The following SLC7A6 variants were observed in gnomAD, a reference collection of about 807,000 sequenced individuals.
SLC7A6 encodes Y+L amino acid transporter 2.
In SLC7A6, 29 loss-of-function variants were observed where a neutral mutation model predicts 46.6. The observed-to-expected ratio is 0.62, with a 90% confidence interval of 0.46 to 0.85. The LOEUF (loss-of-function observed/expected upper bound fraction) is 0.85, where lower values mean the gene tolerates loss of function less well. SLC7A6 is among the 40% of genes least tolerant of loss of function. SLC7A6 has a pLI of 0.00. For synonymous variants in SLC7A6, 276 were observed against 257.3 expected, an observed-to-expected ratio of 1.07 and a Z score of -0.70; for missense variants, 527 against 647.6, an observed-to-expected ratio of 0.81 and a Z score of 2.02.
intron 3 of SLC7A6, 41 bp downstream of exon 3, chr16:68,275,290 G>T (rs2042689908): frequency 1.9e-6 from 3 of 1,552,118 alleles, no homozygotes; most frequent in South Asian, 2.3e-5. Context: ...GGGGGGTGGG[G>T]GGTACTATAA....
intron 3 of SLC7A6, among the ~76,000 whole-genome samples, chr16:68,282,914 G>A (rs1228769438): frequency 6.6e-6 from 1 of 152,100 alleles, no homozygotes; most frequent in African/African-American, 2.4e-5. Flanking sequence ...CACTGCGCCC[G>A]GCCTTTCTTC....
rs71384525 is a variant in SLC7A6, at chr16:68,284,859, C to CTTTTTT, written c.524-2874_524-2869dup. Among the ~76,000 whole-genome samples the CTTTTTT allele has an allele frequency of 1.1e-3, 101 of 95,598 alleles. 24 individuals are homozygous for CTTTTTT. Among genetic ancestry groups the CTTTTTT allele is most frequent in the Admixed American group, 1.3e-3 (9 of 6,932 alleles). The allele number at this position is 95,598 out of a possible 152,430, so 62.7% of individuals were successfully genotyped here. ...CTGTCTCTTCTGTGTATTTTCTCGTCTTTTTTTTTTTTTTTTTTAGAGACA... is the reference window on the plus strand; with the variant it reads ...CTGTCTCTTCTGTGTATTTTCTCGTCTTTTTTTTTTTTTTTTTTTTTTTTAGAGACA... On this transcript the variant is annotated intron_variant, in intron 3 of 10. Coordinates refer to ENST00000219343, the MANE Select transcript of SLC7A6 (RefSeq NM_003983.6).
At position 68,266,615 on chromosome 16, in the gene SLC7A6, A is replaced by C. The variant is rs1465949405; in HGVS notation, c.-143A>C. The C allele has an allele frequency of 6.6e-6, 1 of 152,158 alleles. No homozygotes were observed. Among genetic ancestry groups the C allele is most frequent in the Non-Finnish European group, 1.5e-5 (1 of 68,036 alleles). 9.4% of individuals were successfully genotyped at this position (152,158 alleles called of 1,614,324 possible). On this transcript the variant is annotated 5_prime_UTR_variant, in exon 2 of 11. Transcript: ENST00000219343. ...CAGAGTTTATGTGGCCGAGGCAGAC[A>C]AGTGGAATTAGGCCTTGCTGCAGGG... is the stretch of plus-strand genomic sequence containing the variant.
chr16:68,284,336 A>G (rs2042885097), intron 3 of SLC7A6: 1 of 152,104 alleles, frequency 6.6e-6, no homozygotes, highest in Non-Finnish European at 1.5e-5. Flanking sequence ...TTTTATTTTT[A>G]TCTAGAAAGA....
intron 2 of SLC7A6, among the ~76,000 whole-genome samples, chr16:68,269,524 T>C (rs1458818905): frequency 2.0e-5 from 3 of 152,104 alleles, no homozygotes; most frequent in Non-Finnish European, 2.9e-5. Context: ...ATTCTTCTCA[T>C]GTTTCCTTGC....
chr16:68,296,305 G>A, intron 8 of SLC7A6, 59 bp from the exon 9 acceptor site: 2 of 1,602,028 alleles, frequency 1.2e-6, no homozygotes, highest in Non-Finnish European at 1.7e-6. Flanking sequence ...GGGTGGGGGA[G>A]TCTCCTGGGG....
chr16:68,290,642 C>T, intron 5 of SLC7A6, 102 bp downstream of exon 5: 1 of 1,326,568 alleles, frequency 7.5e-7, no homozygotes, highest in Non-Finnish European at 1.1e-6. Context: ...CGACTCTCCT[C>T]CCCTCTTCTC....
intron 3 of SLC7A6, among the ~76,000 whole-genome samples, chr16:68,279,573 T>G (rs1478543028): frequency 6.6e-6 from 1 of 152,100 alleles, no homozygotes; most frequent in Non-Finnish European, 1.5e-5. Flanking sequence ...GAGTCTTGCT[T>G]TGTTGCCCAG....
At chr16:68,291,818 A>G (rs573457573) in intron 7 of SLC7A6, 157 bp downstream of exon 7, 1 of 539,946 alleles carries the variant, frequency 1.9e-6, no homozygotes, top group Non-Finnish European at 3.1e-6. Flanking sequence ...GTGGGCATGT[A>G]CTTGCCTTTG....
At position 68,301,408 on chromosome 16, in the gene SLC7A6, A is replaced by C; in HGVS notation, c.*4080A>C. ...CAGGCTGTTGTAGTCAGCAGAGCCT[A>C]GAATGACATCCCGGGAGTGGATTCT... On this transcript the variant is annotated 3_prime_UTR_variant, in exon 11 of 11. Transcript: ENST00000219343. 1 of 1,613,034 alleles carries C rather than the reference A, an allele frequency of 6.2e-7. No homozygotes were observed.
chr16:68,290,533 C>A lies in SLC7A6; in HGVS notation c.787C>A (p.Pro263Thr). The change falls in exon 5 of 11, where the codon CCA (proline) becomes ACA (threonine). Residue 263 changes from proline to threonine, a missense_variant. Coordinates refer to ENST00000219343, the MANE Select transcript of SLC7A6 (RefSeq NM_003983.6). ...TTTTGTAACAGAAGAAATCAAAAAC[C>A]CAGAAAGGTAAAGATGGGATCACAC... ...LNFVTEEIKN[P>T]ERNLPLAIGI... 6.2e-7 allele frequency: 1 copy of A among 1,614,110 alleles called. No homozygotes were observed. Among genetic ancestry groups the A allele is most frequent in the South Asian group, 1.1e-5 (1 of 91,084 alleles).
chr16:68,297,359 G>A lies in SLC7A6; in HGVS notation c.*31G>A. On this transcript the variant is annotated 3_prime_UTR_variant, in exon 11 of 11. Transcript: ENST00000219343. ...AGAGGTGGCTTTCTGAGGCCTGGAAGGCAGGCCAACCAGCAAAATCCTGAT... is the reference window on the plus strand; with the variant it reads ...AGAGGTGGCTTTCTGAGGCCTGGAAAGCAGGCCAACCAGCAAAATCCTGAT... 1 of 1,589,284 alleles carries A rather than the reference G, an allele frequency of 6.3e-7. No homozygotes were observed. Among genetic ancestry groups the A allele is most frequent in the Non-Finnish European group, 8.6e-7 (1 of 1,159,738 alleles).
chr16:68,284,060 G>A (rs1408146669), intron 3 of SLC7A6, among the ~76,000 whole-genome samples: 2 of 151,984 alleles, frequency 1.3e-5, no homozygotes, highest in African/African-American at 4.8e-5. Context: ...TGAGGCAAAC[G>A]AGGTGCCTGG....
At position 68,300,692 on chromosome 16, in the gene SLC7A6, G is replaced by A; in HGVS notation, c.*3364G>A. The A allele has an allele frequency of 2.0e-6, 2 of 985,448 alleles. No homozygotes were observed. The highest frequency in any genetic ancestry group is 2.4e-6 in the Non-Finnish European group (2 of 829,942). The allele number at this position is 985,448 out of a possible 1,614,324, so 61.0% of individuals were successfully genotyped here. On this transcript the variant is annotated 3_prime_UTR_variant, in exon 11 of 11. Transcript: ENST00000219343. ...TTGTTTCTTGGCCCCACTGCCAAAGGAAGTCAGTCAGTAATTTCACAACCG... is the reference window on the plus strand; with the variant it reads ...TTGTTTCTTGGCCCCACTGCCAAAGAAAGTCAGTCAGTAATTTCACAACCG...
chr16:68,283,592 G>GAA (rs67757354), intron 3 of SLC7A6, among the ~76,000 whole-genome samples: 1 of 151,818 alleles, frequency 6.6e-6, no homozygotes, highest in Non-Finnish European at 1.5e-5. Context: ...AAAAAGGGAA[G>GAA]AACAGATAGA....
chr16:68,289,977 T>G, intron 4 of SLC7A6: 1 of 167,592 alleles, frequency 6.0e-6, no homozygotes, highest in Non-Finnish European at 1.3e-5. Context: ...TGAAATGGGG[T>G]TCTTGACATA....
chr16:68,287,691 G>C, intron 3 of SLC7A6, 55 bp from the exon 4 acceptor site: 1 of 1,592,250 alleles, frequency 6.3e-7, no homozygotes, highest in Admixed American at 1.7e-5. Context: ...AAGAGGGGTT[G>C]GGCCCCTGTG....
At chr16:68,272,065 A>G (rs1766699762) in intron 2 of SLC7A6, among the ~76,000 whole-genome samples, 1 of 152,136 alleles carries the variant, frequency 6.6e-6, no homozygotes, top group African/African-American at 2.4e-5. Flanking sequence ...AGCCTCCCAA[A>G]GTGCTGGGAT....
intron 3 of SLC7A6, chr16:68,287,394 G>A (rs536182904): frequency 4.0e-4 from 523 of 1,303,140 alleles, no homozygotes; most frequent in Middle Eastern, 4.2e-4. Flanking sequence ...GAGGTCTTGT[G>A]TCTCCTGTGG....
Sources: gnomAD v4.1 joint callset for allele counts (sites outside exome capture counted in the v4.1 genomes callset) on GRCh38, gnomAD v4.1.1 for gene constraint, MANE v1.5 for transcripts, NCBI Gene and HGNC (gene_info 2026-07-23, HGNC 2026-07-21) for gene names.